MTMR10: variants seen among roughly 807,000 people sequenced by gnomAD.
The protein encoded by MTMR10 is myotubularin-related protein 10.
MTMR10 carries 56 observed loss-of-function variants against 88.1 expected under a neutral mutation model. That is an observed-to-expected ratio of 0.64 (90% confidence interval 0.51 to 0.79). The LOEUF (loss-of-function observed/expected upper bound fraction) is 0.79, where lower values mean the gene tolerates loss of function less well. Ranked by LOEUF, MTMR10 falls within the 30% of genes least tolerant of loss-of-function variation. The pLI, the probability that MTMR10 is intolerant of heterozygous loss-of-function variation, is 0.00. For synonymous variants in MTMR10, 380 were observed against 340.9 expected, an observed-to-expected ratio of 1.11 and a Z score of -1.26; for missense variants, 883 against 924.7, an observed-to-expected ratio of 0.95 and a Z score of 0.58.
At chr15:30,963,646 TAGAC>T (rs900046239) in intron 6 of MTMR10, among the ~76,000 whole-genome samples, 5 of 148,024 alleles carry the variant, frequency 3.4e-5, no homozygotes, top group African/African-American at 1.0e-4. Flanking sequence ...CAAAAATAAA[TAGAC>T]AGATAGATAG....
chr15:30,971,740 G>C (rs1209063081), intron 5 of MTMR10, among the ~76,000 whole-genome samples: 1 of 152,040 alleles, frequency 6.6e-6, no homozygotes, highest in Non-Finnish European at 1.5e-5. Context: ...CTTCAGTTTT[G>C]AGCAAAGGTT....
intron 2 of MTMR10, among the ~76,000 whole-genome samples, chr15:30,983,344 T>C (rs1476340610): frequency 6.6e-6 from 1 of 152,108 alleles, no homozygotes; most frequent in Non-Finnish European, 1.5e-5. Context: ...TGGGAGGAAA[T>C]CAAGAAATCC....
intron 15 of MTMR10, 136 bp downstream of exon 15, chr15:30,942,754 A>C: frequency 1.1e-6 from 1 of 892,958 alleles, no homozygotes; most frequent in Admixed American, 3.3e-5. Flanking sequence ...TTGAGTTAAA[A>C]AGGGAATGAC....
Position 30,940,832 on chromosome 15 carries a change from T to TTTAA in MTMR10, c.*634_*637dup. 4.0e-6 allele frequency: 4 copies of TTTAA among 989,172 alleles called. No individual in the cohort carries two copies. The highest frequency in any genetic ancestry group is 3.6e-6 in the Non-Finnish European group (3 of 832,120). The allele number at this position is 989,172 out of a possible 1,614,324, so 61.3% of individuals were successfully genotyped here. A position where few individuals can be genotyped will look rare whatever the true frequency, so the allele number is the denominator to read the frequency against. Reference sequence around the variant, plus strand: ...TCCTAAAGTCAAAGGCACTTCTAAGTTTAATTATCTGCAGCAAATGCTTTA... The same window carrying TTTAA: ...TCCTAAAGTCAAAGGCACTTCTAAGTTTAATTAATTATCTGCAGCAAATGCTTTA... On this transcript the variant is annotated 3_prime_UTR_variant, in exon 16 of 16. Transcript: ENST00000435680.
At chr15:30,946,011 G>A (rs914133566) in intron 14 of MTMR10, among the ~76,000 whole-genome samples, 2 of 152,270 alleles carry the variant, frequency 1.3e-5, no homozygotes, top group East Asian at 3.9e-4. Context: ...TGAGCCCTGG[G>A]TTCCCCAAAA....
Position 30,943,063 on chromosome 15 carries a change from T to C in MTMR10, c.1558A>G (p.Ile520Val). The C allele has an allele frequency of 6.5e-7, 1 of 1,528,894 alleles. No homozygotes were observed. Among genetic ancestry groups the C allele is most frequent in the African/African-American group, 1.4e-5 (1 of 71,690 alleles). 94.7% of individuals were successfully genotyped at this position (1,528,894 alleles called of 1,614,324 possible). A position where few individuals can be genotyped will look rare whatever the true frequency, so the allele number is the denominator to read the frequency against. ...TCACCCAATTGGATGTTTTTGCTTA[T>C]AGCAAATTCCTGCAAAATAAATAAA... ...QRVKQSTEFAISKNIQLGDEK... is the reference protein window; with the variant it reads ...QRVKQSTEFAVSKNIQLGDEK... The change falls in exon 15 of 16, where the codon ATA becomes GTA. Residue 520 changes from isoleucine (I) to valine (V), a missense_variant. Coordinates refer to ENST00000435680, the MANE Select transcript of MTMR10 (RefSeq NM_017762.3).
At position 30,991,477 on chromosome 15, in the gene MTMR10, G is replaced by A. The variant is rs549061933; in HGVS notation, c.30C>T (p.Thr10=). The A allele has an allele frequency of 5.3e-4, 806 of 1,516,166 alleles. 15 individuals are homozygous for A. The South Asian group carries it at 9.7e-3, about 18-fold the overall frequency. The allele number at this position is 1,516,166 out of a possible 1,614,324, so 93.9% of individuals were successfully genotyped here. Residue 10 remains threonine, a synonymous_variant, in exon 1 of 16, where the codon ACC becomes ACT. Transcript: ENST00000435680. MFSLKPPKP[T]FRSYLLPPPQ... is the part of the protein sequence containing the mutation. ...GCGGTGGCAGGAGGTAGGACCTGAAGGTGGGTTTGGGCGGCTTGAGGGAGA... is the reference window on the plus strand; with the variant it reads ...GCGGTGGCAGGAGGTAGGACCTGAAAGTGGGTTTGGGCGGCTTGAGGGAGA...
chr15:30,980,714 T>C (rs956981783), intron 2 of MTMR10, among the ~76,000 whole-genome samples: 3 of 151,280 alleles, frequency 2.0e-5, no homozygotes, highest in Non-Finnish European at 4.4e-5. Context: ...CCTCTGGTAA[T>C]GCCAGAATAC....
chr15:30,930,672 G>T, the MTMR10 span: 1 of 1,612,802 alleles, frequency 6.2e-7, no homozygotes, highest in Non-Finnish European at 8.5e-7. Context: ...TCACTTTAAG[G>T]TCAGTTGAGG....
the MTMR10 span, among the ~76,000 whole-genome samples, chr15:30,929,610 T>G: frequency 7.7e-6 from 1 of 129,740 alleles, no homozygotes; most frequent in Non-Finnish European, 1.5e-5. Flanking sequence ...ACATATTACA[T>G]ATATAATATA....
At chr15:30,927,699 G>C in the MTMR10 span, 1 of 985,626 alleles carries the variant, frequency 1.0e-6, no homozygotes, top group Non-Finnish European at 1.2e-6. Context: ...CCTCTGGCCA[G>C]TGGTCTTGTG....
the MTMR10 span, among the ~76,000 whole-genome samples, chr15:30,921,813 C>T: frequency 6.6e-6 from 1 of 152,062 alleles, no homozygotes; most frequent in Non-Finnish European, 1.5e-5. Flanking sequence ...ATGAGGACAC[C>T]CCTCATTACT....
intron 7 of MTMR10, among the ~76,000 whole-genome samples, chr15:30,960,033 G>A (rs761238909): frequency 1.3e-5 from 2 of 152,180 alleles, no homozygotes; most frequent in African/African-American, 4.8e-5. Context: ...TTTCTTGTAC[G>A]AACTGTGTTA....
chr15:30,939,355 G>T lies in MTMR10; in HGVS notation c.*2115C>A. Reference sequence around the variant, plus strand: ...TCTGCTGGCGGGCAGCAGGGGTGCTGAGCTCTCTCTAGTGCGCCCTGTGCA... The same window carrying T: ...TCTGCTGGCGGGCAGCAGGGGTGCTTAGCTCTCTCTAGTGCGCCCTGTGCA... On this transcript the variant is annotated 3_prime_UTR_variant, in exon 16 of 16. Transcript: ENST00000435680. 1.3e-5 allele frequency: 13 copies of T among 985,442 alleles called. No homozygotes were observed. Among genetic ancestry groups the T allele is most frequent in the Non-Finnish European group, 1.6e-5 (13 of 829,940 alleles). The allele number at this position is 985,442 out of a possible 1,614,324, so 61.0% of individuals were successfully genotyped here. A position where few individuals can be genotyped will look rare whatever the true frequency, so the allele number is the denominator to read the frequency against.
chr15:30,970,457 C>A (rs1247742482), intron 5 of MTMR10, among the ~76,000 whole-genome samples: 4 of 152,110 alleles, frequency 2.6e-5, no homozygotes, highest in Non-Finnish European at 5.9e-5. Flanking sequence ...GAGTAAAGAT[C>A]TGAAGATGTC....
In MTMR10 at chr15:30,942,821, T is replaced by G. The variant is rs147687849; in HGVS notation, c.1731+69A>C. 700 of 1,435,632 alleles carry G rather than the reference T, an allele frequency of 4.9e-4. 2 individuals are homozygous for G. In the African/African-American group the frequency reaches 8.7e-3, roughly 18 times the overall value. The allele number at this position is 1,435,632 out of a possible 1,614,324, so 88.9% of individuals were successfully genotyped here. On this transcript the variant is annotated intron_variant, in intron 15 of 15. Coordinates refer to ENST00000435680, the MANE Select transcript of MTMR10 (RefSeq NM_017762.3). Reference sequence around the variant, plus strand: ...TTGGAAGTGCCTTTACTTTTAACGCTCTCTGTTCTGAAAAAGAGGTGTTTG... The same window carrying G: ...TTGGAAGTGCCTTTACTTTTAACGCGCTCTGTTCTGAAAAAGAGGTGTTTG...
At chr15:30,928,407 A>T in the MTMR10 span, 2 of 1,478,370 alleles carry the variant, frequency 1.4e-6, no homozygotes, top group East Asian at 2.4e-5. Context: ...GCGTGAAAAC[A>T]GCATTTGCTT....
At position 30,988,834 on chromosome 15, in the gene MTMR10, C is replaced by T. The variant is rs567517450; in HGVS notation, c.121+1943G>A. Among the ~76,000 whole-genome samples, 5 of 151,592 alleles carry T rather than the reference C, an allele frequency of 3.3e-5. No homozygotes were observed. The South Asian group carries it at 6.3e-4, about 19-fold the overall frequency. ...AGAAACCCCATTTCTACTAAAAATA[C>T]GAAAAATTAGCCAGGTGTGGTGGTG... On this transcript the variant is annotated intron_variant, in intron 2 of 15. Transcript: ENST00000435680.
Position 30,947,267 on chromosome 15 carries a change from A to G in MTMR10, c.1411T>C (p.Trp471Arg). 1 of 1,613,718 alleles carries G rather than the reference A, an allele frequency of 6.2e-7. No individual in the cohort carries two copies. Among genetic ancestry groups the G allele is most frequent in the South Asian group, 1.1e-5 (1 of 90,974 alleles). The change falls in exon 14 of 16, where the codon TGG (tryptophan) becomes CGG (arginine). Residue 471 changes from tryptophan (W) to arginine (R), a missense_variant. This residue lies in a region of MTMR10 where 126 missense variants were observed against 178.2 expected (regional missense o/e 0.71). Coordinates refer to ENST00000435680, the MANE Select transcript of MTMR10 (RefSeq NM_017762.3). ...PLFLLFLDAT[W>R]QLLEQYPAAF... ...GCAGGATATTGTTCTAACAGCTGCCAGGTGGCATCCAAGAATAGCAAAAAT... is the reference window on the plus strand; with the variant it reads ...GCAGGATATTGTTCTAACAGCTGCCGGGTGGCATCCAAGAATAGCAAAAAT...
Sources: gnomAD v4.1 joint callset for allele counts (sites outside exome capture counted in the v4.1 genomes callset) on GRCh38, gnomAD v4.1.1 for gene constraint, gnomAD v4.1.1 regional missense constraint, MANE v1.5 for transcripts, NCBI Gene and HGNC (gene_info 2026-07-23, HGNC 2026-07-21) for gene names.